SLC25A48: variants seen among roughly 807,000 people sequenced by gnomAD.
SLC25A48 encodes CTC-321K16.1.
Under a neutral mutation model 32.2 loss-of-function variants are expected in SLC25A48, and 29 were observed. The observed-to-expected ratio is 0.90, with a 90% confidence interval of 0.67 to 1.23. The LOEUF is 1.23. SLC25A48 is among the 50% of genes most tolerant of loss of function. The pLI, the probability that SLC25A48 is intolerant of heterozygous loss-of-function variation, is 0.00. For missense variants in SLC25A48, 399 were observed against 422.7 expected, an observed-to-expected ratio of 0.94 and a Z score of 0.49; for synonymous variants, 164 against 172.3, an observed-to-expected ratio of 0.95 and a Z score of 0.38.
At chr5:135,856,431 A>G (rs973444082) in intron 4 of SLC25A48, among the ~76,000 whole-genome samples, 1 of 152,152 alleles carries the variant, frequency 6.6e-6, no homozygotes, top group Non-Finnish European at 1.5e-5. Flanking sequence ...GAGCCCCAGC[A>G]GCTCACTCAG....
At chr5:135,610,864 C>A (rs1437255146) in intron 1 of SLC25A48, among the ~76,000 whole-genome samples, 1 of 152,182 alleles carries the variant, frequency 6.6e-6, no homozygotes, top group Non-Finnish European at 1.5e-5. Context: ...AGCTTATTCT[C>A]ACTTTATACA....
At chr5:135,772,309 A>T (rs1027874125) in intron 3 of SLC25A48, among the ~76,000 whole-genome samples, 2 of 150,842 alleles carry the variant, frequency 1.3e-5, no homozygotes, top group African/African-American at 4.9e-5. Context: ...GTACACCCCA[A>T]TGTAATATTG....
Position 135,852,676 on chromosome 5 carries a change from C to A in SLC25A48, c.276C>A (p.Cys92Ter), listed in dbSNP as rs368023667. The change falls in exon 4 of 8, where the codon TGC becomes TGA. Residue 92 changes from cysteine to a stop codon, truncating the protein, a stop_gained. Coordinates refer to ENST00000681962, the MANE Select transcript of SLC25A48 (RefSeq NM_001349336.2). LOFTEE classifies it high-confidence loss of function. Reference sequence around the variant, plus strand: ...AGCGGTTCCTCAGCCAGCACCGCTGCGGGGAGCCAGAGGCCAGTCCTCCCC... The same window carrying A: ...AGCGGTTCCTCAGCCAGCACCGCTGAGGGGAGCCAGAGGCCAGTCCTCCCC... Reference protein sequence around the residue: ...NTQRFLSQHRCGEPEASPPRT... With the variant: ...NTQRFLSQHR 47 of 1,613,718 alleles carry A rather than the reference C, an allele frequency of 2.9e-5. No individual in the cohort carries two copies. Among genetic ancestry groups the A allele is most frequent in the Non-Finnish European group, 3.7e-5 (44 of 1,179,892 alleles).
Position 135,834,706 on chromosome 5 carries a change from G to C in SLC25A48, c.-142G>C, listed in dbSNP as rs1451202126. The C allele has an allele frequency of 5.6e-6, 5 of 897,750 alleles. No individual in the cohort carries two copies. The highest frequency in any genetic ancestry group is 2.8e-5 in the East Asian group (1 of 35,494). The allele number at this position is 897,750 out of a possible 1,614,324, so 55.6% of individuals were successfully genotyped here. A position where few individuals can be genotyped will look rare whatever the true frequency, so the allele number is the denominator to read the frequency against. On this transcript the variant is annotated 5_prime_UTR_variant, in exon 1 of 8. Coordinates refer to ENST00000681962, the MANE Select transcript of SLC25A48 (RefSeq NM_001349336.2). ...GGCAGCCCGCGCAGCCGGTGACTGG[G>C]GGACTGGGTTTGGAGTAGGACCTGC...
chr5:135,599,536 G>A (rs1406943092), intron 1 of SLC25A48, among the ~76,000 whole-genome samples: 3 of 152,120 alleles, frequency 2.0e-5, no homozygotes, highest in Non-Finnish European at 4.4e-5. Flanking sequence ...CAATCGCTGG[G>A]GCACTTCTAG....
chr5:135,631,454 C>T (rs183811672), intron 2 of SLC25A48, among the ~76,000 whole-genome samples: 1 of 152,324 alleles, frequency 6.6e-6, no homozygotes, highest in Admixed American at 6.5e-5. Context: ...CACAGGGCTC[C>T]CATCTGTTTG....
chr5:135,597,664 A>G (rs1040523555), intron 1 of SLC25A48, among the ~76,000 whole-genome samples: 2 of 152,238 alleles, frequency 1.3e-5, no homozygotes, highest in Non-Finnish European at 2.9e-5. Context: ...CCTAAGCTTT[A>G]GCTACAAAAG....
chr5:135,598,436 A>G (rs990963204), intron 1 of SLC25A48, among the ~76,000 whole-genome samples: 1 of 152,202 alleles, frequency 6.6e-6, no homozygotes, highest in African/African-American at 2.4e-5. Context: ...CAAGCTTTGT[A>G]TAGCTTCTAC....
chr5:135,726,437 T>C (rs1408042031), intron 3 of SLC25A48, among the ~76,000 whole-genome samples: 1 of 152,216 alleles, frequency 6.6e-6, no homozygotes, highest in Admixed American at 6.5e-5. Context: ...GGATCCCTCA[T>C]GTTGCCCTTT....
intron 3 of SLC25A48, among the ~76,000 whole-genome samples, chr5:135,746,704 C>T (rs1238074158): frequency 6.6e-6 from 1 of 152,142 alleles, no homozygotes; most frequent in Non-Finnish European, 1.5e-5. Context: ...TTTTCATACC[C>T]AAGAGATTTA....
At chr5:135,691,135 G>A (rs1358087583) in intron 3 of SLC25A48, among the ~76,000 whole-genome samples, 1 of 152,142 alleles carries the variant, frequency 6.6e-6, no homozygotes, top group African/African-American at 2.4e-5. Context: ...AGCGCTTCTC[G>A]ATTCAGCCCA....
chr5:135,850,134 G>A (rs975640241), intron 2 of SLC25A48, among the ~76,000 whole-genome samples: 3 of 152,198 alleles, frequency 2.0e-5, no homozygotes, highest in Admixed American at 2.0e-4. Flanking sequence ...TAGAGTCCCA[G>A]TTTAGGTTTT....
At chr5:135,581,024 G>A (rs1751221543) in intron 1 of SLC25A48, among the ~76,000 whole-genome samples, 1 of 152,186 alleles carries the variant, frequency 6.6e-6, no homozygotes, top group African/African-American at 2.4e-5. Flanking sequence ...GACTAGCTGT[G>A]TGACTTTGGG....
At chr5:135,797,980 G>A (rs1757229703) in intron 3 of SLC25A48, among the ~76,000 whole-genome samples, 1 of 151,824 alleles carries the variant, frequency 6.6e-6, no homozygotes, top group East Asian at 1.9e-4. Flanking sequence ...ATATCCAGAG[G>A]AAGAAAGGAT....
chr5:135,813,173 C>G (rs551789561), intron 4 of SLC25A48: 1 of 152,750 alleles, frequency 6.5e-6, no homozygotes, highest in African/African-American at 2.4e-5. Context: ...GCCTTGCTAC[C>G]TAATACCACT....
rs148303483 is a variant in SLC25A48 at position 135,641,273 on chromosome 5, G to T, written c.-521+6317G>T. On this transcript the variant is annotated intron_variant, in intron 3 of 10. Transcript: ENST00000646290. ...TCATGGAGAAATAAATGTAGAAATAGATTTTAGAAGATATTTGTGACCTTT... is the reference window on the plus strand; with the variant it reads ...TCATGGAGAAATAAATGTAGAAATATATTTTAGAAGATATTTGTGACCTTT... Among the ~76,000 whole-genome samples, 232 of 152,312 alleles carry T rather than the reference G, an allele frequency of 1.5e-3. 3 individuals are homozygous for T. The highest frequency in any genetic ancestry group is 4.3e-3 in the African/African-American group (177 of 41,568).
chr5:135,872,119 A>G (rs1761702084), intron 5 of SLC25A48: 1 of 720,164 alleles, frequency 1.4e-6, no homozygotes, highest in African/African-American at 1.8e-5. Context: ...CAGGTCCAGA[A>G]ATGTTAAGTA....
chr5:135,664,344 C>A (rs1285784823), intron 3 of SLC25A48, among the ~76,000 whole-genome samples: 2 of 152,230 alleles, frequency 1.3e-5, no homozygotes, highest in Non-Finnish European at 2.9e-5. Context: ...TGGTGACCTA[C>A]CTCCAGCTCT....
Position 135,871,497 on chromosome 5 carries a change from C to A in SLC25A48, c.458C>A (p.Ala153Glu). 1.2e-6 allele frequency: 2 copies of A among 1,606,464 alleles called. No individual in the cohort carries two copies. Among genetic ancestry groups the A allele is most frequent in the Non-Finnish European group, 1.7e-6 (2 of 1,174,562 alleles). The change falls in exon 5 of 8, where the codon GCG becomes GAG. Residue 153 changes from alanine (A) to glutamate (E), a missense_variant. Coordinates refer to ENST00000681962, the MANE Select transcript of SLC25A48 (RefSeq NM_001349336.2). ...TTGAAGTCCAGGGCAGTGGCTCCTG[C>A]GGAGCAGCCAGCATACCAGGGGCCA... is the stretch of plus-strand genomic sequence containing the variant. Reference protein sequence around the residue: ...LGLKSRAVAPAEQPAYQGPVH... With the variant: ...LGLKSRAVAPEEQPAYQGPVH...
Sources: gnomAD v4.1 joint callset for allele counts (sites outside exome capture counted in the v4.1 genomes callset) on GRCh38, gnomAD v4.1.1 for gene constraint, MANE v1.5 for transcripts, NCBI Gene and HGNC (gene_info 2026-07-23, HGNC 2026-07-21) for gene names.